The following PTPRM variants were observed in gnomAD, a reference collection of about 807,000 sequenced individuals.
PTPRM encodes receptor-type tyrosine-protein phosphatase mu.
Under a neutral mutation model 186.7 loss-of-function variants are expected in PTPRM, and 47 were observed. The observed-to-expected ratio is 0.25, with a 90% CI of 0.20 to 0.32. The LOEUF (loss-of-function observed/expected upper bound fraction) is 0.32. Among genes scored for constraint, PTPRM ranks in the 10% least tolerant of loss-of-function variants. The probability of loss-of-function intolerance (pLI) is 1.00; values close to 1 mark genes in which losing one functional copy is unlikely to be tolerated. For missense variants in PTPRM, 1,494 were observed against 1,865.0 expected (o/e 0.80, Z 3.66); for synonymous variants, 668 against 674.9 (o/e 0.99, Z 0.16).
intron 5 of PTPRM, among the ~76,000 whole-genome samples, chr18:7,939,263 G>A (rs964308970): frequency 4.1e-5 from 6 of 146,922 alleles, no homozygotes; most frequent in Non-Finnish European, 9.1e-5. Flanking sequence ...TGAGGAAGGG[G>A]GACTGGCTCA....
At chr18:8,031,933 A>C (rs1283742379) in intron 7 of PTPRM, among the ~76,000 whole-genome samples, 1 of 152,232 alleles carries the variant, frequency 6.6e-6, no homozygotes, top group African/African-American at 2.4e-5. Context: ...TGCCAAATAC[A>C]GTGACCATCA....
At chr18:7,613,499 C>A (rs938085729) in intron 1 of PTPRM, among the ~76,000 whole-genome samples, 4 of 152,072 alleles carry the variant, frequency 2.6e-5, no homozygotes, top group African/African-American at 9.7e-5. Flanking sequence ...ATGCTGAAAC[C>A]TGATCTCTAC....
At chr18:7,874,660 A>G (rs2048143329) in intron 2 of PTPRM, among the ~76,000 whole-genome samples, 1 of 152,208 alleles carries the variant, frequency 6.6e-6, no homozygotes, top group Admixed American at 6.5e-5. Flanking sequence ...TGAATTAACA[A>G]CAACAAAACC....
At chr18:7,963,606 C>T (rs1483765447) in intron 7 of PTPRM, among the ~76,000 whole-genome samples, 2 of 152,234 alleles carry the variant, frequency 1.3e-5, no homozygotes, top group East Asian at 3.8e-4. Flanking sequence ...GCTTTGAATA[C>T]ACTGAGGAGG....
intron 7 of PTPRM, among the ~76,000 whole-genome samples, chr18:8,023,044 G>A (rs2085329669): frequency 2.6e-5 from 4 of 152,112 alleles, no homozygotes; most frequent in Admixed American, 2.6e-4. Flanking sequence ...CTTTGACATG[G>A]GAGCCAGAAG....
intron 1 of PTPRM, among the ~76,000 whole-genome samples, chr18:7,742,493 G>A (rs1381306356): frequency 6.6e-6 from 1 of 152,120 alleles, no homozygotes; most frequent in Non-Finnish European, 1.5e-5. Context: ...ATAGTGCCAG[G>A]AAATTGGGTG....
At chr18:8,355,068 C>T (rs1042909221) in intron 23 of PTPRM, among the ~76,000 whole-genome samples, 1 of 152,154 alleles carries the variant, frequency 6.6e-6, no homozygotes, top group Non-Finnish European at 1.5e-5. Context: ...GAAGGGGATG[C>T]CTTCAGTTCA....
At chr18:8,372,582 T>A (rs1366442110) in intron 24 of PTPRM, among the ~76,000 whole-genome samples, 1 of 152,208 alleles carries the variant, frequency 6.6e-6, no homozygotes, top group Non-Finnish European at 1.5e-5. Flanking sequence ...ATTTAGCATT[T>A]TTTTTCTTAG....
At chr18:8,038,146 G>A (rs1316400730) in intron 7 of PTPRM, among the ~76,000 whole-genome samples, 4 of 152,048 alleles carry the variant, frequency 2.6e-5, no homozygotes, top group African/African-American at 7.2e-5. Flanking sequence ...ATAGAGACAC[G>A]TGGCTATCTC....
At chr18:7,721,154 TG>T (rs1233151380) in intron 1 of PTPRM, among the ~76,000 whole-genome samples, 108 of 150,392 alleles carry the variant, frequency 7.2e-4, no homozygotes, top group African/African-American at 2.5e-3. Context: ...TTTTTTTTTT[TG>T]ATATTAGCTA....
chr18:8,032,406 C>G (rs2086040295), intron 7 of PTPRM, among the ~76,000 whole-genome samples: 1 of 152,066 alleles, frequency 6.6e-6, no homozygotes, highest in African/African-American at 2.4e-5. Context: ...TTCCTATAAT[C>G]TTCATAGAAA....
chr18:8,152,421 T>C (rs1319939978), intron 14 of PTPRM, among the ~76,000 whole-genome samples: 1 of 152,184 alleles, frequency 6.6e-6, no homozygotes, highest in African/African-American at 2.4e-5. Flanking sequence ...TTTATGGTTC[T>C]GTTCTAGTCA....
intron 7 of PTPRM, among the ~76,000 whole-genome samples, chr18:8,031,294 C>T (rs2085951757): frequency 6.6e-6 from 1 of 152,100 alleles, no homozygotes; most frequent in African/African-American, 2.4e-5. Context: ...CAATACTTTG[C>T]AGATAGTGCT....
intron 14 of PTPRM, among the ~76,000 whole-genome samples, chr18:8,233,555 ACCAG>A (rs2094311802): frequency 2.0e-5 from 3 of 152,182 alleles, no homozygotes; most frequent in African/African-American, 7.2e-5. Flanking sequence ...CATTATGGAT[ACCAG>A]TTCATTACCA....
intron 1 of PTPRM, among the ~76,000 whole-genome samples, chr18:7,605,671 C>G (rs1243034942): frequency 6.6e-6 from 1 of 152,174 alleles, no homozygotes; most frequent in Non-Finnish European, 1.5e-5. Flanking sequence ...TAACCATACA[C>G]TACTTATTTG....
chr18:7,948,329 A>G (rs116176782), intron 5 of PTPRM, among the ~76,000 whole-genome samples: 3,278 of 152,212 alleles, frequency 0.022, 46 homozygotes, highest in African/African-American at 0.044. Context: ...CAAGAGCAAG[A>G]GCACATACAA....
chr18:7,611,029 T>A (rs1486428725), intron 1 of PTPRM, among the ~76,000 whole-genome samples: 2 of 152,104 alleles, frequency 1.3e-5, no homozygotes, highest in African/African-American at 4.8e-5. Context: ...TGTGTAGGCC[T>A]AGGCTAATGT....
At chr18:8,372,956 A>G (rs984551301) in intron 24 of PTPRM, among the ~76,000 whole-genome samples, 10 of 151,712 alleles carry the variant, frequency 6.6e-5, no homozygotes. Flanking sequence ...TTTTTTTTTA[A>G]CCTCTTATTG....
At chr18:8,157,331 C>T (rs1203926611) in intron 14 of PTPRM, among the ~76,000 whole-genome samples, 3 of 152,184 alleles carry the variant, frequency 2.0e-5, no homozygotes, top group Non-Finnish European at 2.9e-5. Flanking sequence ...CTGTAGCTGC[C>T]TCTCTGGTTT....
Sources: allele counts gnomAD v4.1 joint callset (sites outside exome capture counted in the v4.1 genomes callset), GRCh38; gene constraint gnomAD v4.1.1; transcripts MANE v1.5; gene names NCBI Gene and HGNC (gene_info 2026-07-23, HGNC 2026-07-21).